The following ZC4H2 variants were observed in gnomAD, a reference collection of about 807,000 sequenced individuals.
The protein encoded by ZC4H2 is zinc finger C4H2 domain-containing protein.
For missense variants in ZC4H2, 137 were observed against 173.9 expected, an observed-to-expected ratio of 0.79 and a Z score of 1.19; for synonymous variants, 84 against 66.3, an observed-to-expected ratio of 1.27 and a Z score of -1.30.
chrX:64,951,170 T>A (rs1930805543), intron 1 of ZC4H2, among the ~76,000 whole-genome samples: 1 of 112,299 alleles, frequency 8.9e-6, no homozygotes, highest in Admixed American at 9.4e-5. Flanking sequence ...TATTCCACGG[T>A]ATATATGTGC....
At chrX:64,988,290 G>A (rs1932234341) in intron 1 of ZC4H2, among the ~76,000 whole-genome samples, 1 of 111,283 alleles carries the variant, frequency 9.0e-6, no homozygotes, top group Non-Finnish European at 1.9e-5. Context: ...TCTAGTTCTA[G>A]AACCCTGAGG....
At chrX:64,926,529 C>T (rs1272636463) in intron 1 of ZC4H2, among the ~76,000 whole-genome samples, 1 of 112,070 alleles carries the variant, frequency 8.9e-6, no homozygotes, top group Non-Finnish European at 1.9e-5. Context: ...GATCCAGTCC[C>T]TCCACCTGGC....
At chrX:65,010,291 C>A (rs1932736968) in intron 1 of ZC4H2, among the ~76,000 whole-genome samples, 1 of 112,191 alleles carries the variant, frequency 8.9e-6, no homozygotes. Flanking sequence ...ATCTTATTTT[C>A]AATCTGCACA....
intron 1 of ZC4H2, among the ~76,000 whole-genome samples, chrX:65,019,671 GGACA>G (rs1170539267): frequency 8.9e-6 from 1 of 112,085 alleles, no homozygotes; most frequent in East Asian, 2.8e-4. Context: ...GAACAAAATT[GGACA>G]GACAATGAAT....
intron 1 of ZC4H2, among the ~76,000 whole-genome samples, chrX:64,975,821 G>A (rs1357619199): frequency 4.5e-5 from 5 of 110,741 alleles, no homozygotes; most frequent in Non-Finnish European, 9.5e-5. Context: ...GAAAACGAGC[G>A]CGCGCCATTC....
intron 1 of ZC4H2, 42 bp from the exon 2 acceptor site, chrX:64,922,030 G>T (rs1415469858): frequency 1.7e-6 from 2 of 1,192,288 alleles, no homozygotes; most frequent in East Asian, 6.0e-5. Context: ...GCAAAAGAAG[G>T]GAGAAAATAG....
chrX:64,956,593 C>T (rs1055524682), intron 1 of ZC4H2, among the ~76,000 whole-genome samples: 4 of 111,405 alleles, frequency 3.6e-5, no homozygotes, highest in African/African-American at 6.5e-5. Context: ...GTCACACCCT[C>T]ACCTAAGTAA....
intron 1 of ZC4H2, among the ~76,000 whole-genome samples, chrX:65,001,742 A>G (rs1332353145): frequency 8.9e-6 from 1 of 112,060 alleles, no homozygotes; most frequent in Admixed American, 9.4e-5. Context: ...AAAGAGATGG[A>G]GGAATATTTA....
chrX:64,997,618 AT>A (rs1304324772), intron 1 of ZC4H2, among the ~76,000 whole-genome samples: 1 of 112,324 alleles, frequency 8.9e-6, no homozygotes, highest in Non-Finnish European at 1.9e-5. Context: ...AGTGGCATTT[AT>A]TTTTTTGAGA....
At chrX:65,030,568 A>G (rs1001119641) in intron 1 of ZC4H2, among the ~76,000 whole-genome samples, 24 of 112,317 alleles carry the variant, frequency 2.1e-4, no homozygotes, top group African/African-American at 7.8e-4. Flanking sequence ...GTCTTCTTGC[A>G]TCATTAGATT....
intron 1 of ZC4H2, among the ~76,000 whole-genome samples, chrX:65,031,872 C>T (rs1459177067): frequency 1.8e-5 from 2 of 112,256 alleles, no homozygotes; most frequent in South Asian, 3.7e-4. Flanking sequence ...TGGAAGAATT[C>T]AATTAACTAA....
chrX:65,002,387 G>A (rs1430386846), intron 1 of ZC4H2, among the ~76,000 whole-genome samples: 8 of 109,020 alleles, frequency 7.3e-5, no homozygotes, highest in Non-Finnish European at 1.3e-4. Context: ...CGCCCCGTCC[G>A]GGAGGGAGGC....
chrX:64,962,839 G>A (rs988822665), intron 1 of ZC4H2, among the ~76,000 whole-genome samples: 4 of 111,022 alleles, frequency 3.6e-5, no homozygotes, highest in Admixed American at 1.9e-4. Context: ...AAACTATAAC[G>A]TATTGATGAA....
intron 1 of ZC4H2, among the ~76,000 whole-genome samples, chrX:64,999,207 C>T (rs768229188): frequency 5.4e-5 from 6 of 110,813 alleles, no homozygotes; most frequent in African/African-American, 1.3e-4. Flanking sequence ...ACGCAGAAGG[C>T]GGGAGATTTC....
At chrX:64,976,239 G>C in intron 1 of ZC4H2, 86 bp downstream of exon 1, 3 of 1,088,385 alleles carry the variant, frequency 2.8e-6, no homozygotes, top group African/African-American at 3.6e-5. Context: ...AGCTCCTCTA[G>C]ACAAACAGCC....
intron 1 of ZC4H2, among the ~76,000 whole-genome samples, chrX:64,954,815 A>G (rs1010337785): frequency 9.0e-6 from 1 of 111,447 alleles, no homozygotes; most frequent in African/African-American, 3.3e-5. Flanking sequence ...ATACTCTGCC[A>G]GATTTGAATG....
intron 1 of ZC4H2, chrX:64,965,401 G>A (rs1251249148): frequency 3.4e-6 from 1 of 294,342 alleles, no homozygotes; most frequent in Non-Finnish European, 6.4e-6. Context: ...TCAAACAAAT[G>A]ATAGTGAAAC....
upstream of ZC4H2, among the ~76,000 whole-genome samples, chrX:64,978,537 A>C (rs1932017054): frequency 8.9e-6 from 1 of 111,893 alleles, no homozygotes; most frequent in Admixed American, 9.5e-5. Flanking sequence ...TACTGTGCTG[A>C]GTCTGATATG....
intron 1 of ZC4H2, among the ~76,000 whole-genome samples, chrX:64,950,479 G>T (rs1343592055): frequency 9.0e-6 from 1 of 111,388 alleles, no homozygotes; most frequent in Non-Finnish European, 1.9e-5. Context: ...TTGTGTGGGA[G>T]TCTAAGTCTC....
Sources: allele counts gnomAD v4.1 joint callset (sites outside exome capture counted in the v4.1 genomes callset), GRCh38; gene constraint gnomAD v4.1.1; transcripts MANE v1.5; gene names NCBI Gene and HGNC (gene_info 2026-07-23, HGNC 2026-07-21).